The following TENM4 variants were observed in gnomAD, a reference collection of about 807,000 sequenced individuals.
The protein encoded by TENM4 is teneurin transmembrane protein 4.
A neutral mutation model predicts 243.3 loss-of-function variants in TENM4; 82 were observed. The observed-to-expected ratio is 0.34, with a 90% confidence interval of 0.28 to 0.40. TENM4 has a LOEUF of 0.40. TENM4 is among the 10% of genes least tolerant of loss of function. The probability of loss-of-function intolerance (pLI) is 1.00; values close to 1 mark genes in which losing one functional copy is unlikely to be tolerated. For missense variants in TENM4, 3,138 were observed against 3,673.3 expected, an observed-to-expected ratio of 0.85 and a Z score of 3.77; for synonymous variants, 1,412 against 1,456.3, an observed-to-expected ratio of 0.97 and a Z score of 0.69.
intron 6 of TENM4, among the ~76,000 whole-genome samples, chr11:78,911,902 G>T (rs1307987146): frequency 6.6e-6 from 1 of 152,218 alleles, no homozygotes; most frequent in Non-Finnish European, 1.5e-5. Flanking sequence ...TGGCAGCTCA[G>T]CTTCCGCTCT....
At chr11:79,398,737 T>A (rs868604503) in intron 1 of TENM4, among the ~76,000 whole-genome samples, 13 of 102,778 alleles carry the variant, frequency 1.3e-4, no homozygotes, top group Admixed American at 2.2e-4. Context: ...TCAGATGCTT[T>A]AAAAAAAAAA....
intron 4 of TENM4, among the ~76,000 whole-genome samples, chr11:79,144,822 G>T (rs1862366628): frequency 6.6e-6 from 1 of 151,436 alleles, no homozygotes; most frequent in African/African-American, 2.4e-5. Flanking sequence ...TGGCTAATGG[G>T]TACAAAAAAT....
In TENM4 at chr11:78,676,209, C is replaced by A. The variant is rs1423614947; in HGVS notation, c.5439G>T (p.Trp1813Cys). 6.3e-7 allele frequency: 1 copy of A among 1,584,228 alleles called. No homozygotes were observed. Among genetic ancestry groups the A allele is most frequent in the East Asian group, 2.3e-5 (1 of 43,472 alleles). The change falls in exon 30 of 34, where the codon TGG becomes TGT. Residue 1813 changes from tryptophan (W) to cysteine (C), a missense_variant. This residue lies in a region of TENM4 where 2,467 missense variants were observed against 3,059.1 expected (regional missense o/e 0.81). Transcript: ENST00000278550. ...CCCGAGCCTGCTCTTTGCGCTGGCGCCACTCCACCAGGTTGAGGCCGTTGT... is the reference window on the plus strand; with the variant it reads ...CCCGAGCCTGCTCTTTGCGCTGGCGACACTCCACCAGGTTGAGGCCGTTGT... ...PIDNGLNLVE[W>C]RQRKEQARGQ...
At chr11:78,759,584 C>T (rs1352512297) in intron 18 of TENM4, among the ~76,000 whole-genome samples, 2 of 152,216 alleles carry the variant, frequency 1.3e-5, no homozygotes, top group East Asian at 3.8e-4. Flanking sequence ...GAAAGAGCTG[C>T]TTCCTGTGAG....
intron 1 of TENM4, among the ~76,000 whole-genome samples, chr11:79,376,612 A>G (rs968360991): frequency 6.6e-6 from 1 of 150,884 alleles, no homozygotes; most frequent in Non-Finnish European, 1.5e-5. Context: ...ATATCTGCTC[A>G]ATAACTTTTC....
intron 1 of TENM4, among the ~76,000 whole-genome samples, chr11:79,348,121 A>G (rs1318455182): frequency 6.6e-6 from 1 of 152,166 alleles, no homozygotes; most frequent in Non-Finnish European, 1.5e-5. Flanking sequence ...CCCATTTCCC[A>G]GGATACCTGG....
At chr11:79,266,680 G>T (rs886700580) in intron 2 of TENM4, among the ~76,000 whole-genome samples, 1 of 152,148 alleles carries the variant, frequency 6.6e-6, no homozygotes, top group Admixed American at 6.5e-5. Flanking sequence ...GGTATTTATT[G>T]GTTTTGATAG....
chr11:78,725,341 T>C (rs1379859664), intron 23 of TENM4, among the ~76,000 whole-genome samples: 2 of 152,206 alleles, frequency 1.3e-5, no homozygotes, highest in African/African-American at 4.8e-5. Context: ...CCTTTTTAGA[T>C]CAGGCAGGTG....
chr11:79,028,397 G>A (rs1004869093), intron 6 of TENM4, among the ~76,000 whole-genome samples: 1 of 152,232 alleles, frequency 6.6e-6, no homozygotes, highest in Non-Finnish European at 1.5e-5. Flanking sequence ...AGCAACCCCT[G>A]TAAGGGAGGG....
At chr11:79,070,184 A>T (rs1860375813) in intron 4 of TENM4, among the ~76,000 whole-genome samples, 175 bp from the exon 5 acceptor site, 1 of 152,040 alleles carries the variant, frequency 6.6e-6, no homozygotes, top group Admixed American at 6.6e-5. Context: ...CGCACCCAGG[A>T]CCTCTAATTA....
intron 6 of TENM4, among the ~76,000 whole-genome samples, chr11:79,003,994 G>GA (rs34985685): frequency 0.12 from 15,311 of 130,734 alleles, 1,117 homozygotes; most frequent in East Asian, 0.39. Flanking sequence ...TCTAATTTCA[G>GA]AAAAAAAAAA....
chr11:78,926,106 C>T (rs1298938510), intron 6 of TENM4, among the ~76,000 whole-genome samples: 1 of 151,960 alleles, frequency 6.6e-6, no homozygotes, highest in African/African-American at 2.4e-5. Flanking sequence ...TCTTCTATTG[C>T]ACAAAGTCAA....
chr11:78,746,617 C>T (rs934158406), intron 19 of TENM4, among the ~76,000 whole-genome samples: 1 of 152,236 alleles, frequency 6.6e-6, no homozygotes, highest in African/African-American at 2.4e-5. Context: ...GAACTGAGCC[C>T]ATCGACTATG....
At chr11:79,228,154 C>G (rs938120850) in intron 2 of TENM4, among the ~76,000 whole-genome samples, 6 of 152,154 alleles carry the variant, frequency 3.9e-5, no homozygotes, top group Non-Finnish European at 7.3e-5. Flanking sequence ...CAAAATAAAG[C>G]CCACTAGAAA....
chr11:79,189,801 A>G (rs1442601887), intron 3 of TENM4, among the ~76,000 whole-genome samples: 1 of 152,228 alleles, frequency 6.6e-6, no homozygotes, highest in Non-Finnish European at 1.5e-5. Context: ...TGAGAGCGCA[A>G]CATCAGAAGT....
intron 2 of TENM4, among the ~76,000 whole-genome samples, chr11:79,294,079 T>G (rs987553164): frequency 6.6e-6 from 1 of 152,194 alleles, no homozygotes; most frequent in African/African-American, 2.4e-5. Flanking sequence ...GAGAGAGCAA[T>G]CCTAGTCCTG....
At chr11:79,294,967 C>T (rs777262239) in intron 2 of TENM4, among the ~76,000 whole-genome samples, 1 of 152,184 alleles carries the variant, frequency 6.6e-6, no homozygotes, top group Non-Finnish European at 1.5e-5. Flanking sequence ...AGACCACAAA[C>T]ACTGGCTGGC....
intron 1 of TENM4, among the ~76,000 whole-genome samples, chr11:79,391,655 G>C (rs866921851): frequency 6.6e-6 from 1 of 152,178 alleles, no homozygotes; most frequent in Non-Finnish European, 1.5e-5. Context: ...GCTATTTACT[G>C]TCTTTATCTT....
chr11:79,065,045 A>C (rs911143559), intron 5 of TENM4, 38 bp from the exon 6 acceptor site: 1 of 1,446,882 alleles, frequency 6.9e-7, no homozygotes, highest in African/African-American at 1.4e-5. Context: ...TAGGGCACTG[A>C]GATGAGGTCT....
Sources: allele counts gnomAD v4.1 joint callset (sites outside exome capture counted in the v4.1 genomes callset), GRCh38; gene constraint gnomAD v4.1.1; regional missense constraint gnomAD v4.1.1; transcripts MANE v1.5; gene names NCBI Gene and HGNC (gene_info 2026-07-23, HGNC 2026-07-21).